HPSE: variants seen among roughly 807,000 people sequenced by gnomAD.
HPSE encodes endo-glucoronidase.
A neutral mutation model predicts 65.1 loss-of-function variants in HPSE; 48 were observed. The ratio of observed to expected loss-of-function variants is 0.74; its 90% CI spans 0.58 to 0.94. HPSE has a LOEUF of 0.94. Ranked by LOEUF, HPSE falls within the 40% of genes least tolerant of loss-of-function variation. The pLI is 0.00. For synonymous variants in HPSE, 243 were observed against 260.0 expected, an observed-to-expected ratio of 0.93 and a Z score of 0.63; for missense variants, 644 against 637.5, an observed-to-expected ratio of 1.01 and a Z score of -0.11.
chr4:83,313,416 T>C lies in HPSE; in HGVS notation c.500-129A>G, dbSNP rs1368811759. On this transcript the variant is annotated intron_variant, in intron 3 of 11. Transcript: ENST00000311412. ...AAATTCTAGTTCTAATAAATGATTA[T>C]AATTATGTTTTTGAGACAACAAAAT... 5 of 594,752 alleles carry C rather than the reference T, an allele frequency of 8.4e-6. No individual in the cohort carries two copies. In the East Asian group the frequency reaches 1.5e-4, roughly 18 times the overall value. 36.8% of individuals were successfully genotyped at this position (594,752 alleles called of 1,614,324 possible).
intron 8 of HPSE, among the ~76,000 whole-genome samples, chr4:83,308,117 A>T (rs1389422198): frequency 2.7e-5 from 4 of 149,410 alleles, no homozygotes; most frequent in Admixed American, 2.7e-4. Context: ...TTTTTAAGAG[A>T]CAGGGTGTGG....
chr4:83,301,957 A>G (rs1735965028), intron 10 of HPSE, among the ~76,000 whole-genome samples, 193 bp downstream of exon 10: 1 of 152,218 alleles, frequency 6.6e-6, no homozygotes, highest in South Asian at 2.1e-4. Flanking sequence ...CCCCGTCTCA[A>G]AAAACAACAA....
chr4:83,308,991 C>G (rs1328657993), intron 7 of HPSE, 40 bp from the exon 8 acceptor site: 2 of 1,544,250 alleles, frequency 1.3e-6, no homozygotes. Flanking sequence ...TGCAAAAAAG[C>G]TGACCTGTGG....
intron 1 of HPSE, among the ~76,000 whole-genome samples, chr4:83,332,530 G>C (rs1484996321): frequency 6.6e-6 from 1 of 152,166 alleles, no homozygotes; most frequent in Non-Finnish European, 1.5e-5. Flanking sequence ...AAAGTTTTAT[G>C]TATCACATGT....
At chr4:83,333,041 CT>C (rs1296279820) in intron 1 of HPSE, among the ~76,000 whole-genome samples, 2 of 152,086 alleles carry the variant, frequency 1.3e-5, no homozygotes, top group Non-Finnish European at 2.9e-5. Flanking sequence ...CTAGTATCAG[CT>C]TCCTATCCTT....
At chr4:83,318,267 G>A (rs772464925) in intron 3 of HPSE, among the ~76,000 whole-genome samples, 6 of 152,124 alleles carry the variant, frequency 3.9e-5, no homozygotes, top group African/African-American at 9.7e-5. Flanking sequence ...ACTGAGATAT[G>A]GGAACATCAT....
chr4:83,308,652 A>G (rs1369065279), intron 8 of HPSE, among the ~76,000 whole-genome samples, 193 bp downstream of exon 8: 1 of 152,226 alleles, frequency 6.6e-6, no homozygotes, highest in Non-Finnish European at 1.5e-5. Context: ...TATAGTGATT[A>G]ATTTGGAACA....
At chr4:83,316,512 A>G (rs1269019442) in intron 3 of HPSE, among the ~76,000 whole-genome samples, 2 of 152,142 alleles carry the variant, frequency 1.3e-5, no homozygotes, top group Non-Finnish European at 2.9e-5. Context: ...AAGATGACAC[A>G]TTGAAAAAAA....
At chr4:83,300,034 T>C (rs886385442) in intron 11 of HPSE, among the ~76,000 whole-genome samples, 5 of 152,176 alleles carry the variant, frequency 3.3e-5, no homozygotes, top group South Asian at 2.1e-4. Flanking sequence ...AATATGAGAA[T>C]AGTCATGAGA....
intron 10 of HPSE, among the ~76,000 whole-genome samples, chr4:83,301,563 T>C (rs935982951): frequency 6.6e-6 from 1 of 152,330 alleles, no homozygotes; most frequent in African/African-American, 2.4e-5. Flanking sequence ...TTTTTATGAA[T>C]TTATCCATTC....
chr4:83,301,551 AT>A (rs1262978047), intron 10 of HPSE, among the ~76,000 whole-genome samples: 1 of 152,154 alleles, frequency 6.6e-6, no homozygotes, highest in Non-Finnish European at 1.5e-5. Context: ...ATCTACTGAC[AT>A]TTTTTATGAA....
chr4:83,325,269 G>GATT (rs1284518970), intron 1 of HPSE, among the ~76,000 whole-genome samples: 1 of 151,630 alleles, frequency 6.6e-6, no homozygotes, highest in Non-Finnish European at 1.5e-5. Context: ...GGGTTCAAGC[G>GATT]ATTCTCTTGC....
At chr4:83,332,500 C>G (rs567205699) in intron 1 of HPSE, among the ~76,000 whole-genome samples, 3 of 152,206 alleles carry the variant, frequency 2.0e-5, no homozygotes, top group Non-Finnish European at 4.4e-5. Context: ...CAAGAATGAA[C>G]TGTTTTGTAA....
Position 83,326,698 on chromosome 4 carries a change from A to C in HPSE, c.228-4334T>G, listed in dbSNP as rs1388070857. On this transcript the variant is annotated intron_variant, in intron 1 of 11. Transcript: ENST00000311412. The surrounding 1 kb of genome is among the most constrained non-coding windows in gnomAD (Gnocchi z 4.2). Reference sequence around the variant, plus strand: ...AAGGTATGGCCCTAAAACCAAGATGAGGAACTTCCTCAGAGAGAACCACTC... The same window carrying C: ...AAGGTATGGCCCTAAAACCAAGATGCGGAACTTCCTCAGAGAGAACCACTC... 1.3e-5 allele frequency among the ~76,000 whole-genome samples: 2 copies of C among 152,168 alleles called. No homozygotes were observed. The highest frequency in any genetic ancestry group is 2.9e-5 in the Non-Finnish European group (2 of 68,028).
At chr4:83,319,261 G>C (rs1736776783) in intron 3 of HPSE, 83 bp downstream of exon 3, 1 of 1,356,154 alleles carries the variant, frequency 7.4e-7, no homozygotes, top group Non-Finnish European at 1.0e-6. Context: ...ACTTCCGTAG[G>C]ACTTGCTAGA....
At position 83,322,272 on chromosome 4, in the gene HPSE, T is replaced by A; in HGVS notation, c.320A>T (p.Lys107Met). 6.2e-7 allele frequency: 1 copy of A among 1,614,022 alleles called. No homozygotes were observed. The highest frequency in any genetic ancestry group is 8.5e-7 in the Non-Finnish European group (1 of 1,179,888). ...TCTCTCTTCAAAGGTTGATTCCTTC[T>A]TGGGATCGAAAATTAGGAAGTCTGT... ...TKTDFLIFDP[K>M]KESTFEERSY... Residue 107 changes from lysine (K) to methionine (M), a missense_variant, in exon 2 of 12, where the codon AAG becomes ATG. Transcript: ENST00000311412.
At chr4:83,300,615 C>CTTTGTCTTTTG (rs1735906253) in intron 11 of HPSE, among the ~76,000 whole-genome samples, 1 of 23,524 alleles carries the variant, frequency 4.3e-5, no homozygotes. Context: ...GAGATCGAGA[C>CTTTGTCTTTTG]CCATCCGGGC....
chr4:83,328,812 A>G (rs1323047195), intron 1 of HPSE, among the ~76,000 whole-genome samples: 1 of 152,054 alleles, frequency 6.6e-6, no homozygotes, highest in African/African-American at 2.4e-5. Flanking sequence ...GGAGTTGAAG[A>G]TACAGGAGAG....
intron 11 of HPSE, among the ~76,000 whole-genome samples, chr4:83,296,417 T>C (rs144104148): frequency 6.6e-6 from 1 of 152,298 alleles, no homozygotes; most frequent in African/African-American, 2.4e-5. Context: ...TTCACACCTG[T>C]AATCCCAGCA....
Sources: gnomAD v4.1 joint callset for allele counts (sites outside exome capture counted in the v4.1 genomes callset) on GRCh38, gnomAD v4.1.1 for gene constraint, Gnocchi (gnomAD v3.1) non-coding constraint, MANE v1.5 for transcripts, NCBI Gene and HGNC (gene_info 2026-07-23, HGNC 2026-07-21) for gene names.